The following SEMA4D variants were observed in gnomAD, a reference collection of about 807,000 sequenced individuals.
SEMA4D encodes the protein semaphorin-4D.
In SEMA4D, 22 loss-of-function variants were observed where a neutral mutation model predicts 74.8. The observed-to-expected ratio is 0.29, with a 90% confidence interval of 0.21 to 0.42. SEMA4D has a LOEUF of 0.42. Ranked by LOEUF, SEMA4D falls within the 10% of genes least tolerant of loss-of-function variation. The pLI is 1.00. For missense variants in SEMA4D, 937 were observed against 1,118.4 expected, an observed-to-expected ratio of 0.84 and a Z score of 2.31; for synonymous variants, 445 against 463.7, an observed-to-expected ratio of 0.96 and a Z score of 0.52.
At chr9:89,402,723 G>T in intron 4 of SEMA4D, 148 bp downstream of exon 4, 1 of 764,482 alleles carries the variant, frequency 1.3e-6, no homozygotes, top group Non-Finnish European at 2.1e-6. Flanking sequence ...CGGGTGAACT[G>T]CTGGTGGACA....
At chr9:89,439,420 T>C (rs1216758560) in intron 2 of SEMA4D, among the ~76,000 whole-genome samples, 1 of 152,186 alleles carries the variant, frequency 6.6e-6, no homozygotes. Context: ...AGTGGCTGAG[T>C]GGAGACCACT....
At chr9:89,478,761 C>G (rs2136136259) in intron 1 of SEMA4D, among the ~76,000 whole-genome samples, 2 of 139,762 alleles carry the variant, frequency 1.4e-5, no homozygotes, top group East Asian at 2.3e-4. Context: ...GCCCCCTCAT[C>G]CTCCACCCCA....
chr9:89,413,803 CATGT>C lies in SEMA4D; in HGVS notation c.-243-8108_-243-8105del, dbSNP rs543997336. Among the ~76,000 whole-genome samples, 297 of 152,334 alleles carry C rather than the reference CATGT, an allele frequency of 1.9e-3. 1 individual carries two copies. The highest frequency in any genetic ancestry group is 6.8e-3 in the African/African-American group (284 of 41,574). Reference sequence around the variant, plus strand: ...ACATATGTATCTGTGTATGCATATACATGTATGTGTGCACAGCTATATGTGCACA... The same window carrying C: ...ACATATGTATCTGTGTATGCATATACATGTGTGCACAGCTATATGTGCACA... On this transcript the variant is annotated intron_variant, in intron 2 of 15. Coordinates refer to ENST00000422704, the MANE Select transcript of SEMA4D (RefSeq NM_001371194.2).
chr9:89,368,995 G>T (rs1043424636), intron 16 of SEMA4D: 18 of 152,238 alleles, frequency 1.2e-4, no homozygotes, highest in African/African-American at 4.3e-4. Context: ...AATTATCCCA[G>T]ATAACAGAAG....
At chr9:89,426,169 G>GCCCAGCT (rs907965154) in intron 2 of SEMA4D, among the ~76,000 whole-genome samples, 11 of 152,174 alleles carry the variant, frequency 7.2e-5, no homozygotes, top group Non-Finnish European at 1.6e-4. Flanking sequence ...CTCAGACTCA[G>GCCCAGCT]CCCAGCTGCA....
chr9:89,375,830 G>C (rs1381663191), downstream of SEMA4D, among the ~76,000 whole-genome samples: 1 of 152,206 alleles, frequency 6.6e-6, no homozygotes, highest in African/African-American at 2.4e-5. Context: ...AGGTCCCAGA[G>C]GAGTACACTA....
intron 16 of SEMA4D, among the ~76,000 whole-genome samples, chr9:89,371,082 GTTATGTCT>G (rs1834578687): frequency 1.5e-5 from 1 of 66,742 alleles, no homozygotes; most frequent in Non-Finnish European, 2.8e-5. Flanking sequence ...TGGGGTGTGT[GTTATGTCT>G]GGGGTGTATA....
At chr9:89,365,676 A>C (rs539141951) in intron 16 of SEMA4D, 1 of 152,402 alleles carries the variant, frequency 6.6e-6, no homozygotes, top group Admixed American at 6.5e-5. Flanking sequence ...AAAGAGTCCA[A>C]AGTACCTGCA....
chr9:89,387,299 C>G, intron 12 of SEMA4D, 87 bp downstream of exon 12: 3 of 1,200,812 alleles, frequency 2.5e-6, no homozygotes, highest in Admixed American at 4.4e-5. Context: ...GAACTACTCA[C>G]GAAAGAATAA....
intron 2 of SEMA4D, among the ~76,000 whole-genome samples, chr9:89,443,703 C>A (rs1186386611): frequency 6.6e-6 from 1 of 152,222 alleles, no homozygotes. Context: ...CCTGTATGGG[C>A]TGGCACCTGA....
chr9:89,418,262 G>T, intron 2 of SEMA4D: 1 of 702,510 alleles, frequency 1.4e-6, no homozygotes, highest in Non-Finnish European at 1.7e-6. Flanking sequence ...GATCAGCTTG[G>T]CTTGCATGTG....
intron 11 of SEMA4D, 50 bp from the exon 12 acceptor site, chr9:89,387,658 A>G: frequency 6.4e-7 from 1 of 1,561,024 alleles, no homozygotes; most frequent in South Asian, 1.1e-5. Context: ...CCACCACGCA[A>G]CGGGTGCTTC....
intron 1 of SEMA4D, among the ~76,000 whole-genome samples, chr9:89,461,741 C>G (rs1857312374): frequency 7.4e-6 from 1 of 135,740 alleles, no homozygotes; most frequent in Non-Finnish European, 1.5e-5. Flanking sequence ...CTCGCTCTCC[C>G]TCCCAGGCTG....
intron 1 of SEMA4D, among the ~76,000 whole-genome samples, chr9:89,457,996 G>A (rs1856342608): frequency 6.6e-6 from 1 of 152,228 alleles, no homozygotes; most frequent in Non-Finnish European, 1.5e-5. Flanking sequence ...TCGTGCCACT[G>A]CACTCCAGCC....
chr9:89,419,923 A>C (rs1039183976), intron 2 of SEMA4D, among the ~76,000 whole-genome samples: 2 of 152,202 alleles, frequency 1.3e-5, no homozygotes, highest in South Asian at 2.1e-4. Context: ...TCTCAAAAAA[A>C]ACAAAAAAAC....
At chr9:89,468,712 G>A (rs1405453238) in intron 1 of SEMA4D, among the ~76,000 whole-genome samples, 1 of 152,144 alleles carries the variant, frequency 6.6e-6, no homozygotes, top group Non-Finnish European at 1.5e-5. Flanking sequence ...AGTGGTGGCT[G>A]CGGGTTTCTT....
intron 2 of SEMA4D, among the ~76,000 whole-genome samples, chr9:89,453,325 A>C (rs1156607085): frequency 6.6e-6 from 1 of 152,246 alleles, no homozygotes; most frequent in Non-Finnish European, 1.5e-5. Flanking sequence ...CACTTTCTGC[A>C]CTCAACTCCC....
intron 2 of SEMA4D, among the ~76,000 whole-genome samples, chr9:89,407,527 C>T (rs1471614860): frequency 1.3e-5 from 2 of 152,176 alleles, no homozygotes; most frequent in African/African-American, 2.4e-5. Flanking sequence ...CCAACAAATA[C>T]CATTCCAAAC....
At chr9:89,399,106 G>C (rs1841639363) in intron 5 of SEMA4D, among the ~76,000 whole-genome samples, 170 bp downstream of exon 5, 2 of 152,186 alleles carry the variant, frequency 1.3e-5, no homozygotes, top group Non-Finnish European at 2.9e-5. Context: ...CTGATACTCA[G>C]GAATAGAGGG....
Sources: gnomAD v4.1 joint callset for allele counts (sites outside exome capture counted in the v4.1 genomes callset) on GRCh38, gnomAD v4.1.1 for gene constraint, MANE v1.5 for transcripts, NCBI Gene and HGNC (gene_info 2026-07-23, HGNC 2026-07-21) for gene names.